Variants in MRPL45 observed in about 807,000 individuals in gnomAD.
MRPL45 encodes the protein mitochondrial ribosomal protein L45, also known as large ribosomal subunit protein mL45.
MRPL45 carries 20 observed loss-of-function variants against 38.1 expected under a neutral mutation model. The observed-to-expected ratio is 0.53, with a 90% CI of 0.37 to 0.76. The LOEUF (loss-of-function observed/expected upper bound fraction) is 0.76, where lower values mean the gene tolerates loss of function less well. Among genes scored for constraint, MRPL45 ranks in the 30% least tolerant of loss-of-function variants. The probability of loss-of-function intolerance (pLI) is 0.00; values close to 1 mark genes in which losing one functional copy is unlikely to be tolerated. For synonymous variants in MRPL45, 105 were observed against 128.8 expected, an observed-to-expected ratio of 0.82 and a Z score of 1.25; for missense variants, 337 against 395.6, an observed-to-expected ratio of 0.85 and a Z score of 1.26.
At chr17:38,302,361 C>T (rs1288062486) in intron 3 of MRPL45, among the ~76,000 whole-genome samples, 1 of 151,022 alleles carries the variant, frequency 6.6e-6, no homozygotes, top group Admixed American at 6.6e-5. Flanking sequence ...GTGGCACATA[C>T]CTGTAATCTC....
At chr17:38,304,286 A>G (rs1419557213) in intron 3 of MRPL45, among the ~76,000 whole-genome samples, 1 of 152,166 alleles carries the variant, frequency 6.6e-6, no homozygotes, top group Non-Finnish European at 1.5e-5. Flanking sequence ...TGGGCAACAC[A>G]GTGAGACCTT....
intron 6 of MRPL45, 74 bp downstream of exon 6, chr17:38,320,841 G>T: frequency 6.8e-7 from 1 of 1,476,120 alleles, no homozygotes; most frequent in Non-Finnish European, 9.4e-7. Context: ...GGAGTGCTGG[G>T]TATGGTTGCC....
intron 4 of MRPL45, among the ~76,000 whole-genome samples, chr17:38,313,331 T>TATGAG (rs2037139190): frequency 5.8e-5 from 1 of 17,334 alleles, no homozygotes; most frequent in African/African-American, 2.0e-4. Context: ...TATATATATA[T>TATGAG]ACATATATAT....
chr17:38,318,435 A>AT (rs962794682), intron 4 of MRPL45, among the ~76,000 whole-genome samples: 4 of 151,134 alleles, frequency 2.6e-5, no homozygotes, highest in African/African-American at 4.9e-5. Flanking sequence ...TTTAAACATA[A>AT]TTTTTTTTAA....
At position 38,320,612 on chromosome 17, in the gene MRPL45, C is replaced by T; in HGVS notation, c.511-6C>T. On this transcript the variant is annotated splice_polypyrimidine_tract_variant and splice_region_variant and intron_variant, in intron 5 of 7. Transcript: ENST00000613675. ...TGCAGTTGAACTTGTTCTCCTTTGCCCTTAGGACATGACTTGGGACATCAA... is the reference window on the plus strand; with the variant it reads ...TGCAGTTGAACTTGTTCTCCTTTGCTCTTAGGACATGACTTGGGACATCAA... 6.2e-7 allele frequency: 1 copy of T among 1,613,926 alleles called. No homozygotes were observed. Among genetic ancestry groups the T allele is most frequent in the Non-Finnish European group, 8.5e-7 (1 of 1,179,930 alleles).
intron 4 of MRPL45, 124 bp downstream of exon 4, chr17:38,306,755 C>G: frequency 1.0e-6 from 1 of 987,834 alleles, no homozygotes; most frequent in Non-Finnish European, 1.5e-6. Flanking sequence ...GGTAAGAGAT[C>G]TAGAGTGAGA....
chr17:38,309,814 G>A (rs1218292448), intron 4 of MRPL45, among the ~76,000 whole-genome samples: 2 of 151,698 alleles, frequency 1.3e-5, no homozygotes, highest in African/African-American at 2.4e-5. Flanking sequence ...ATCTTTAGGT[G>A]CTTTTTTTGT....
intron 3 of MRPL45, 69 bp downstream of exon 3, chr17:38,299,537 A>G: frequency 7.2e-7 from 1 of 1,379,630 alleles, no homozygotes; most frequent in Non-Finnish European, 9.8e-7. Flanking sequence ...TATCCCAAAG[A>G]GACCTTTTTG....
At chr17:38,304,264 T>C (rs145714847) in intron 3 of MRPL45, among the ~76,000 whole-genome samples, 2,105 of 152,024 alleles carry the variant, frequency 0.014, 21 homozygotes, top group Non-Finnish European at 0.019. Flanking sequence ...TGAGCAGGAG[T>C]TGAATACCAG....
intron 4 of MRPL45, among the ~76,000 whole-genome samples, chr17:38,316,116 C>G (rs1216991583): frequency 6.6e-6 from 1 of 152,038 alleles, no homozygotes; most frequent in African/African-American, 2.4e-5. Flanking sequence ...TTTCTTTCTT[C>G]TTTTTCTGGG....
Position 38,322,758 on chromosome 17 carries a change from G to A in MRPL45, c.*163G>A. The A allele has an allele frequency of 1.7e-6, 1 of 597,472 alleles. No homozygotes were observed. The highest frequency in any genetic ancestry group is 2.9e-6 in the Non-Finnish European group (1 of 340,514). 37.0% of individuals were successfully genotyped at this position (597,472 alleles called of 1,614,324 possible). On this transcript the variant is annotated 3_prime_UTR_variant, in exon 8 of 8. Transcript: ENST00000613675. The stretch of plus-strand genomic sequence containing the variant: ...ATCAGCAACCATGACTGATGACTGG[G>A]CCCTAGCAGGTGGCAGGTATAACAT...
intron 6 of MRPL45, among the ~76,000 whole-genome samples, chr17:38,321,743 G>A (rs1015495825): frequency 6.6e-6 from 1 of 150,818 alleles, no homozygotes; most frequent in African/African-American, 2.4e-5. Context: ...AAATGGTTGT[G>A]TGGCAGGCTG....
In MRPL45 at chr17:38,299,438, G is replaced by A. The variant is rs761246807; in HGVS notation, c.332G>A (p.Arg111Gln). ...GAGGGACTGATAGAGAGAACTGAAC[G>A]AATGAAGAAGACTATGGCATCACAA... The part of the protein sequence containing the change: ...SKEGLIERTE[R>Q]MKKTMASQVS... Residue 111 changes from arginine to glutamine, a missense_variant, in exon 3 of 8, where the codon CGA becomes CAA. By Grantham distance (43) the Arg-to-Gln change is conservative. Transcript: ENST00000613675. 3.7e-6 allele frequency: 6 copies of A among 1,609,958 alleles called. No individual in the cohort carries two copies. The highest frequency in any genetic ancestry group is 2.2e-5 in the East Asian group (1 of 44,814).
At chr17:38,313,294 T>A (rs2144225884) in intron 4 of MRPL45, among the ~76,000 whole-genome samples, 1 of 23,076 alleles carries the variant, frequency 4.3e-5, no homozygotes, top group African/African-American at 9.5e-5. Flanking sequence ...CTTTCCTTTC[T>A]ATTAAAAAAA....
At chr17:38,306,396 G>C in intron 3 of MRPL45, 137 bp from the exon 4 acceptor site, 2 of 930,712 alleles carry the variant, frequency 2.1e-6, no homozygotes, top group South Asian at 1.8e-5. Flanking sequence ...GTGACAGAGC[G>C]AGACTCAAAA....
At position 38,321,632 on chromosome 17, in the gene MRPL45, A is replaced by C. The variant is rs1469858093; in HGVS notation, c.661-494A>C. 2.6e-5 allele frequency among the ~76,000 whole-genome samples: 4 copies of C among 152,080 alleles called. No homozygotes were observed. In the East Asian group the frequency reaches 7.7e-4, roughly 29 times the overall value. On this transcript the variant is annotated intron_variant, in intron 6 of 7. Coordinates refer to ENST00000613675, the MANE Select transcript of MRPL45 (RefSeq NM_032351.6). ...CTTGAACCTGGAAGGCGGAGGTTGC[A>C]GTGAGACGATACCGTACCACTGCAC... is the stretch of plus-strand genomic sequence containing the variant.
chr17:38,317,813 T>A (rs1017735136), intron 4 of MRPL45, among the ~76,000 whole-genome samples: 1 of 151,884 alleles, frequency 6.6e-6, no homozygotes, highest in Non-Finnish European at 1.5e-5. Flanking sequence ...GACCTCATGA[T>A]CCACCCGCCT....
chr17:38,303,290 ATTTTTT>A (rs776250748), intron 3 of MRPL45, among the ~76,000 whole-genome samples: 4 of 103,432 alleles, frequency 3.9e-5, no homozygotes, highest in Admixed American at 2.1e-4. Flanking sequence ...AAAACATTAA[ATTTTTT>A]TTTTTTTTTT....
At chr17:38,314,113 T>C (rs1399815250) in intron 4 of MRPL45, among the ~76,000 whole-genome samples, 1 of 152,184 alleles carries the variant, frequency 6.6e-6, no homozygotes, top group Non-Finnish European at 1.5e-5. Flanking sequence ...TTTATTATTA[T>C]TAGTTTTTGA....
Sources: allele counts gnomAD v4.1 joint callset (sites outside exome capture counted in the v4.1 genomes callset), GRCh38; gene constraint gnomAD v4.1.1; transcripts MANE v1.5; gene names NCBI Gene and HGNC (gene_info 2026-07-23, HGNC 2026-07-21).